TMEFF2: variants seen among roughly 807,000 people sequenced by gnomAD.
The protein encoded by TMEFF2 is transmembrane protein with EGF like and two follistatin like domains 2, also known as tomoregulin-2.
Under a neutral mutation model 53.8 loss-of-function variants are expected in TMEFF2, and 28 were observed. The observed-to-expected ratio is 0.52, with a 90% CI of 0.39 to 0.71. The LOEUF (loss-of-function observed/expected upper bound fraction) is 0.71. Among genes scored for constraint, TMEFF2 ranks in the 30% least tolerant of loss-of-function variants. The pLI, the probability that TMEFF2 is intolerant of heterozygous loss-of-function variation, is 0.00. For synonymous variants in TMEFF2, 162 were observed against 166.3 expected, an observed-to-expected ratio of 0.97 and a Z score of 0.20; for missense variants, 353 against 455.2, an observed-to-expected ratio of 0.78 and a Z score of 2.04.
At chr2:192,025,376 G>GTA (rs1553514468) in intron 5 of TMEFF2, among the ~76,000 whole-genome samples, 12 of 146,100 alleles carry the variant, frequency 8.2e-5, no homozygotes, top group Non-Finnish European at 1.5e-4. Context: ...TAACAGAAGG[G>GTA]TTTTTTTTTT....
chr2:192,067,501 C>T (rs1302881871), intron 4 of TMEFF2, among the ~76,000 whole-genome samples: 1 of 151,822 alleles, frequency 6.6e-6, no homozygotes, highest in Non-Finnish European at 1.5e-5. Context: ...TGAAATACTG[C>T]AGGAAAATTA....
intron 7 of TMEFF2, among the ~76,000 whole-genome samples, chr2:191,994,327 A>C (rs1481131020): frequency 6.6e-6 from 1 of 151,996 alleles, no homozygotes; most frequent in African/African-American, 2.4e-5. Context: ...ATAAAATAAA[A>C]AACATTTTAT....
chr2:192,164,674 G>C (rs1204479805), intron 4 of TMEFF2, among the ~76,000 whole-genome samples: 1 of 150,758 alleles, frequency 6.6e-6, no homozygotes, highest in East Asian at 2.0e-4. Flanking sequence ...GTTGCAGTGA[G>C]CCAAGATCAT....
At chr2:192,106,446 A>G (rs73045730) in intron 4 of TMEFF2, among the ~76,000 whole-genome samples, 11,586 of 151,766 alleles carry the variant, frequency 0.076, 554 homozygotes, top group East Asian at 0.2. Context: ...ATAATAAACC[A>G]AAAAGTTATT....
At chr2:192,172,351 G>A (rs887847882) in intron 4 of TMEFF2, among the ~76,000 whole-genome samples, 1 of 151,762 alleles carries the variant, frequency 6.6e-6, no homozygotes, top group African/African-American at 2.4e-5. Flanking sequence ...TGCATACCAT[G>A]CCAGGGTCAC....
intron 4 of TMEFF2, among the ~76,000 whole-genome samples, chr2:192,085,048 C>T (rs933035815): frequency 5.3e-5 from 8 of 152,148 alleles, no homozygotes; most frequent in Non-Finnish European, 8.8e-5. Flanking sequence ...CTTCTTTTCT[C>T]GTCTCCTTCA....
At chr2:192,186,031 C>T (rs529112270) in intron 2 of TMEFF2, among the ~76,000 whole-genome samples, 45 of 152,202 alleles carry the variant, frequency 3.0e-4, no homozygotes, top group Non-Finnish European at 5.9e-4. Flanking sequence ...TTAATTTCTA[C>T]AATATATAAT....
chr2:191,972,148 GTT>G (rs68101125), intron 7 of TMEFF2, among the ~76,000 whole-genome samples: 2,562 of 136,444 alleles, frequency 0.019, 29 homozygotes, highest in Middle Eastern at 0.044. Context: ...GTGTTTTTTT[GTT>G]TTTTTTTTTT....
At chr2:192,151,814 G>A (rs543026720) in intron 4 of TMEFF2, among the ~76,000 whole-genome samples, 134 of 151,980 alleles carry the variant, frequency 8.8e-4, no homozygotes, top group African/African-American at 3.0e-3. Flanking sequence ...TCTTGGGAGA[G>A]CCTACAGGTG....
intron 5 of TMEFF2, among the ~76,000 whole-genome samples, chr2:192,028,177 A>T (rs1321926382): frequency 4.6e-5 from 7 of 151,926 alleles, no homozygotes; most frequent in Non-Finnish European, 8.8e-5. Context: ...GCTACCATGC[A>T]TGTAAGAGGT....
chr2:192,139,019 A>C (rs1690075393), intron 4 of TMEFF2, among the ~76,000 whole-genome samples: 1 of 152,226 alleles, frequency 6.6e-6, no homozygotes, highest in Non-Finnish European at 1.5e-5. Flanking sequence ...AAGAATCTGT[A>C]TCCAAGGAAA....
intron 5 of TMEFF2, among the ~76,000 whole-genome samples, chr2:192,056,272 AAG>A (rs1329958457): frequency 1.3e-5 from 2 of 152,090 alleles, no homozygotes; most frequent in African/African-American, 2.4e-5. Context: ...AAAAAAGAAA[AAG>A]AGAGAAATAA....
chr2:192,058,637 C>T (rs948757061), intron 4 of TMEFF2, among the ~76,000 whole-genome samples: 27 of 152,154 alleles, frequency 1.8e-4, no homozygotes, highest in African/African-American at 6.5e-4. Flanking sequence ...AGGTGAATTA[C>T]CTGTTTTCCC....
intron 4 of TMEFF2, among the ~76,000 whole-genome samples, chr2:192,151,531 G>A (rs2106001050): frequency 6.6e-6 from 1 of 151,946 alleles, no homozygotes; most frequent in South Asian, 2.1e-4. Context: ...TGGGAAAGAC[G>A]AGTTTGCTTT....
intron 4 of TMEFF2, among the ~76,000 whole-genome samples, chr2:192,150,836 A>AT (rs11375609): frequency 0.44 from 66,970 of 150,822 alleles, 15,116 homozygotes; most frequent in Admixed American, 0.54. Context: ...TCAAGTTTAC[A>AT]TTTTCATTCT....
intron 7 of TMEFF2, among the ~76,000 whole-genome samples, chr2:191,980,037 T>C (rs951242867): frequency 3.3e-5 from 5 of 152,190 alleles, no homozygotes; most frequent in Non-Finnish European, 7.3e-5. Flanking sequence ...CTCAGTCTTA[T>C]TCGTTTACTC....
At chr2:192,094,479 G>A (rs1393717909) in intron 4 of TMEFF2, among the ~76,000 whole-genome samples, 1 of 151,746 alleles carries the variant, frequency 6.6e-6, no homozygotes, top group Non-Finnish European at 1.5e-5. Flanking sequence ...AGAGGCCAGA[G>A]GACAAAATAT....
At chr2:192,007,923 C>T (rs1686538747) in intron 5 of TMEFF2, among the ~76,000 whole-genome samples, 1 of 152,136 alleles carries the variant, frequency 6.6e-6, no homozygotes, top group African/African-American at 2.4e-5. Context: ...AATGTCACCC[C>T]ATGTCCTTCC....
At chr2:192,120,374 G>A (rs557026528) in intron 4 of TMEFF2, among the ~76,000 whole-genome samples, 4 of 152,222 alleles carry the variant, frequency 2.6e-5, no homozygotes, top group Admixed American at 2.6e-4. Flanking sequence ...CTCTTTTAAT[G>A]CTCAAACCCC....
Sources: allele counts gnomAD v4.1 joint callset (sites outside exome capture counted in the v4.1 genomes callset), GRCh38; gene constraint gnomAD v4.1.1; transcripts MANE v1.5; gene names NCBI Gene and HGNC (gene_info 2026-07-23, HGNC 2026-07-21).